MCTP1: variants seen among roughly 807,000 people sequenced by gnomAD.
MCTP1 encodes the protein multiple C2 and transmembrane domain containing 1, also known as multiple C2 and transmembrane domain-containing protein 1.
A neutral mutation model predicts 120.6 loss-of-function variants in MCTP1; 69 were observed. The observed-to-expected ratio is 0.57, with a 90% CI of 0.47 to 0.70. MCTP1 has a LOEUF of 0.70. Ranked by LOEUF, MCTP1 falls within the 30% of genes least tolerant of loss-of-function variation. The probability of loss-of-function intolerance (pLI) is 0.00; values close to 1 mark genes in which losing one functional copy is unlikely to be tolerated. For synonymous variants in MCTP1, 529 were observed against 493.1 expected (o/e 1.07, Z -0.96); for missense variants, 1,203 against 1,248.8 (o/e 0.96, Z 0.55).
chr5:94,900,745 T>C (rs1205800458), intron 10 of MCTP1, among the ~76,000 whole-genome samples: 1 of 152,170 alleles, frequency 6.6e-6, no homozygotes, highest in East Asian at 1.9e-4. Context: ...TTTTAATAAA[T>C]CCTGATTATT....
At chr5:95,133,237 C>T (rs1387591219) in intron 1 of MCTP1, among the ~76,000 whole-genome samples, 1 of 152,178 alleles carries the variant, frequency 6.6e-6, no homozygotes, top group Non-Finnish European at 1.5e-5. Flanking sequence ...TCAAGACCCC[C>T]ACTGGATACT....
At chr5:94,953,439 A>G in intron 2 of MCTP1, 78 bp from the exon 3 acceptor site, 1 of 1,125,024 alleles carries the variant, frequency 8.9e-7, no homozygotes, top group Non-Finnish European at 1.2e-6. Flanking sequence ...GAAACAACAA[A>G]AAGTATTTAA....
intron 19 of MCTP1, among the ~76,000 whole-genome samples, chr5:94,771,176 T>G (rs1043697669): frequency 6.6e-6 from 1 of 152,188 alleles, no homozygotes; most frequent in African/African-American, 2.4e-5. Context: ...AGAACAGTGG[T>G]GAGGGCAACA....
intron 3 of MCTP1, among the ~76,000 whole-genome samples, chr5:94,949,995 G>T (rs1306469242): frequency 1.3e-5 from 2 of 151,124 alleles, no homozygotes; most frequent in South Asian, 2.1e-4. Flanking sequence ...CTAAGATGAG[G>T]CAAAAAATGG....
intron 17 of MCTP1, among the ~76,000 whole-genome samples, chr5:94,812,896 TTCTC>T (rs70978132): frequency 3.4e-3 from 504 of 146,714 alleles, no homozygotes; most frequent in Non-Finnish European, 3.2e-3. Flanking sequence ...ACCAAAAGCA[TTCTC>T]TCTCTCTCTC....
chr5:94,973,369 G>A (rs147332232), intron 2 of MCTP1, among the ~76,000 whole-genome samples: 2 of 152,314 alleles, frequency 1.3e-5, no homozygotes, highest in South Asian at 2.1e-4. Flanking sequence ...CCCCATGAGA[G>A]ACAAGATTGT....
chr5:94,905,116 A>G (rs576083265), intron 10 of MCTP1, among the ~76,000 whole-genome samples: 11 of 152,298 alleles, frequency 7.2e-5, no homozygotes, highest in South Asian at 2.1e-4. Flanking sequence ...TGAAGAAGCA[A>G]GGCAGGTGAG....
At chr5:94,950,632 CTCAAG>C (rs1180806025) in intron 3 of MCTP1, among the ~76,000 whole-genome samples, 1 of 152,000 alleles carries the variant, frequency 6.6e-6, no homozygotes, top group Non-Finnish European at 1.5e-5. Flanking sequence ...TATTCTTGCT[CTCAAG>C]TCAAGACCAT....
At chr5:95,093,113 G>A (rs1755972615) in intron 1 of MCTP1, among the ~76,000 whole-genome samples, 1 of 152,160 alleles carries the variant, frequency 6.6e-6, no homozygotes, top group South Asian at 2.1e-4. Flanking sequence ...ATTAAAAGTG[G>A]GCTTTGGACA....
chr5:94,840,383 T>C (rs1252361915), intron 17 of MCTP1, among the ~76,000 whole-genome samples: 1 of 152,226 alleles, frequency 6.6e-6, no homozygotes, highest in Non-Finnish European at 1.5e-5. Flanking sequence ...TCTTTTCTCA[T>C]TCCTTAGTTG....
At chr5:95,183,694 C>CA (rs1046768372) in intron 1 of MCTP1, among the ~76,000 whole-genome samples, 3 of 151,672 alleles carry the variant, frequency 2.0e-5, no homozygotes, top group African/African-American at 7.3e-5. Context: ...CGACATTCGC[C>CA]AAAAAAAGTA....
intron 1 of MCTP1, among the ~76,000 whole-genome samples, chr5:95,137,021 A>T (rs1759500916): frequency 6.6e-6 from 1 of 152,238 alleles, no homozygotes; most frequent in African/African-American, 2.4e-5. Context: ...CTCAACAATG[A>T]AAAGAATTAC....
Position 95,113,508 on chromosome 5 carries a change from T to C in MCTP1, c.721-96024A>G, listed in dbSNP as rs142339460. The stretch of plus-strand genomic sequence containing the variant: ...CACAGAAATTGTGAGACAACGTATA[T>C]TGAACTCAGTGCTGCCTGGTCACAG... On this transcript the variant is annotated intron_variant, in intron 1 of 22. Coordinates refer to ENST00000515393, the MANE Select transcript of MCTP1 (RefSeq NM_024717.7). 3.9e-5 allele frequency among the ~76,000 whole-genome samples: 6 copies of C among 152,258 alleles called. 1 individual carries two copies. In the East Asian group the frequency reaches 9.6e-4, roughly 24 times the overall value.
chr5:94,912,789 A>G lies in MCTP1; in HGVS notation c.1521+17T>C, dbSNP rs370964034. ...GCCTTCCAAATATTGACAGGAACAC[A>G]ATAGAGACAAGGTTACCTTGCTCTT... is the stretch of plus-strand genomic sequence containing the variant. On this transcript the variant is annotated intron_variant, in intron 9 of 22. Transcript: ENST00000515393. 62 of 1,532,356 alleles carry G rather than the reference A, an allele frequency of 4.0e-5. No individual in the cohort carries two copies. The highest frequency in any genetic ancestry group is 5.1e-5 in the Non-Finnish European group (58 of 1,140,088). 94.9% of individuals were successfully genotyped at this position (1,532,356 alleles called of 1,614,324 possible).
intron 2 of MCTP1, among the ~76,000 whole-genome samples, chr5:94,973,300 C>T (rs1022617144): frequency 1.3e-5 from 2 of 152,106 alleles, no homozygotes; most frequent in Admixed American, 1.3e-4. Flanking sequence ...CCGACTTGTC[C>T]CGTCTACCTC....
intron 3 of MCTP1, among the ~76,000 whole-genome samples, 168 bp downstream of exon 3, chr5:94,953,048 GCTC>G (rs1821021398): frequency 6.6e-6 from 1 of 152,178 alleles, no homozygotes; most frequent in East Asian, 1.9e-4. Flanking sequence ...GCCCCTGCTA[GCTC>G]CTCCTTCCCT....
At chr5:94,777,422 G>A (rs541995797) in intron 19 of MCTP1, among the ~76,000 whole-genome samples, 5 of 152,174 alleles carry the variant, frequency 3.3e-5, no homozygotes, top group Non-Finnish European at 4.4e-5. Flanking sequence ...GCCATAAAAC[G>A]GGGAGAGATT....
At chr5:94,758,382 G>A (rs905945826) in intron 19 of MCTP1, among the ~76,000 whole-genome samples, 25 of 152,260 alleles carry the variant, frequency 1.6e-4, no homozygotes, top group Admixed American at 6.5e-4. Flanking sequence ...AGAGTTCAAG[G>A]CTGCAGTGAG....
chr5:95,040,812 T>C (rs35947005), intron 1 of MCTP1, among the ~76,000 whole-genome samples: 16,126 of 152,182 alleles, frequency 0.11, 1,169 homozygotes, highest in East Asian at 0.33. Context: ...ATCTTGGGAC[T>C]TGGTTGAGAA....
Sources: allele counts gnomAD v4.1 joint callset (sites outside exome capture counted in the v4.1 genomes callset), GRCh38; gene constraint gnomAD v4.1.1; transcripts MANE v1.5; gene names NCBI Gene and HGNC (gene_info 2026-07-23, HGNC 2026-07-21).